Variants in PPHLN1 observed in about 807,000 individuals in gnomAD.
PPHLN1 encodes periphilin-1.
A neutral mutation model predicts 51.3 loss-of-function variants in PPHLN1; 29 were observed. The ratio of observed to expected loss-of-function variants is 0.57; its 90% CI spans 0.42 to 0.77. The LOEUF (loss-of-function observed/expected upper bound fraction) is 0.77. Among genes scored for constraint, PPHLN1 ranks in the 30% least tolerant of loss-of-function variants. PPHLN1 has a pLI of 0.00. For missense variants in PPHLN1, 436 were observed against 438.4 expected, an observed-to-expected ratio of 0.99 and a Z score of 0.05; for synonymous variants, 147 against 147.8, an observed-to-expected ratio of 0.99 and a Z score of 0.04.
At chr12:42,427,775 A>C (rs1300574434) in intron 9 of PPHLN1, among the ~76,000 whole-genome samples, 1 of 152,236 alleles carries the variant, frequency 6.6e-6, no homozygotes, top group Non-Finnish European at 1.5e-5. Context: ...TAATTAAACT[A>C]AAGAGCTTTT....
rs550303195 is a variant in PPHLN1 at position 42,344,548 on chromosome 12, ATACTTT to A, written c.73-7328_73-7323del. 1.8e-3 allele frequency among the ~76,000 whole-genome samples: 275 copies of A among 152,276 alleles called. 3 individuals carry two copies. Among genetic ancestry groups the A allele is most frequent in the African/African-American group, 5.9e-3 (246 of 41,558 alleles). Reference sequence around the variant, plus strand: ...AAAATGTTTGGGGGGGATGGGCTTAATACTTTTACTTTTATATTAATACTTTCATTT... The same window carrying A: ...AAAATGTTTGGGGGGGATGGGCTTAATACTTTTATATTAATACTTTCATTT... On this transcript the variant is annotated intron_variant, in intron 2 of 9. Coordinates refer to ENST00000358314, the MANE Select transcript of PPHLN1 (RefSeq NM_201439.2).
At chr12:42,425,923 A>G (rs2708057) in intron 9 of PPHLN1, among the ~76,000 whole-genome samples, 150,873 of 152,270 alleles carry the variant, frequency 0.99, 74,768 homozygotes, top group Middle Eastern at 1. Flanking sequence ...GAAACTAAGG[A>G]AGAACTTGCC....
chr12:42,348,167 G>A (rs1404478201), intron 2 of PPHLN1, among the ~76,000 whole-genome samples: 1 of 151,698 alleles, frequency 6.6e-6, no homozygotes, highest in African/African-American at 2.4e-5. Context: ...CTGGAGTGCA[G>A]TGGTGCGAGC....
At chr12:42,363,328 AT>A (rs886280459) in intron 4 of PPHLN1, among the ~76,000 whole-genome samples, 134 of 119,172 alleles carry the variant, frequency 1.1e-3, no homozygotes, top group African/African-American at 3.0e-3. Flanking sequence ...TAATTAATTA[AT>A]TTAAAAAAAA....
At chr12:42,426,228 A>ACACACACACACACACCC (rs371819974) in intron 9 of PPHLN1, among the ~76,000 whole-genome samples, 1 of 129,788 alleles carries the variant, frequency 7.7e-6, no homozygotes, top group African/African-American at 3.3e-5. Flanking sequence ...ACACACACAC[A>ACACACACACACACACCC]CCCTCATGCA....
intron 1 of PPHLN1, among the ~76,000 whole-genome samples, chr12:42,333,459 T>TTTTTTTA (rs1222238967): frequency 1.3e-5 from 2 of 151,766 alleles, no homozygotes; most frequent in East Asian, 1.9e-4. Flanking sequence ...TATACTTCCT[T>TTTTTTTA]TTTTTTATTT....
chr12:42,439,849 C>CTT (rs1250048161), intron 9 of PPHLN1, among the ~76,000 whole-genome samples: 1 of 152,088 alleles, frequency 6.6e-6, no homozygotes, highest in Non-Finnish European at 1.5e-5. Context: ...TAGTGTCAGT[C>CTT]TTTTGACTTT....
intron 4 of PPHLN1, among the ~76,000 whole-genome samples, chr12:42,356,510 T>G (rs1286135910): frequency 6.6e-6 from 1 of 152,210 alleles, no homozygotes; most frequent in Non-Finnish European, 1.5e-5. Flanking sequence ...TTTAATTGTC[T>G]CTGTAACCAG....
downstream of PPHLN1, chr12:42,446,756 A>AAACCTCCCGACCTTCCAATT: frequency 9.1e-7 from 1 of 1,102,098 alleles, no homozygotes; most frequent in Non-Finnish European, 1.2e-6. Context: ...CGCAATTGGA[A>AAACCTCCCGACCTTCCAATT]GGTCGGGAGG....
chr12:42,366,296 C>T (rs895670075), intron 4 of PPHLN1, among the ~76,000 whole-genome samples: 3 of 140,742 alleles, frequency 2.1e-5, no homozygotes, highest in East Asian at 4.3e-4. Context: ...GGTGCGATCT[C>T]GGCTCACGGC....
chr12:42,389,619 C>T (rs190167102), intron 7 of PPHLN1, among the ~76,000 whole-genome samples: 103 of 152,216 alleles, frequency 6.8e-4, no homozygotes, highest in African/African-American at 2.3e-3. Flanking sequence ...AAATAGCAAC[C>T]CGAGTTTCTA....
intron 9 of PPHLN1, among the ~76,000 whole-genome samples, chr12:42,433,573 T>C (rs1267049209): frequency 2.6e-5 from 4 of 152,212 alleles, no homozygotes; most frequent in Non-Finnish European, 5.9e-5. Context: ...TCCACCTGCC[T>C]CAGCCTCCCA....
chr12:42,351,763 G>A (rs988885156), intron 2 of PPHLN1, 122 bp from the exon 3 acceptor site: 45 of 649,842 alleles, frequency 6.9e-5, no homozygotes, highest in African/African-American at 2.1e-4. Context: ...TTTCATTAAC[G>A]CTTTTGTTTA....
intron 9 of PPHLN1, among the ~76,000 whole-genome samples, chr12:42,433,540 G>A (rs2082226150): frequency 6.6e-6 from 1 of 152,120 alleles, no homozygotes; most frequent in African/African-American, 2.4e-5. Context: ...AGCCAGGATG[G>A]TCTCGATCTC....
chr12:42,403,030 G>A (rs1462504680), intron 9 of PPHLN1, among the ~76,000 whole-genome samples: 5 of 152,160 alleles, frequency 3.3e-5, no homozygotes, highest in Admixed American at 3.3e-4. Flanking sequence ...TAGAGTTGTG[G>A]ACATGGAAAA....
intron 9 of PPHLN1, among the ~76,000 whole-genome samples, chr12:42,413,145 G>C (rs2080028110): frequency 6.6e-6 from 1 of 152,046 alleles, no homozygotes; most frequent in African/African-American, 2.4e-5. Flanking sequence ...TTTTGTTTCT[G>C]TTGCATTTGC....
chr12:42,376,562 A>C (rs1159626916), intron 5 of PPHLN1, among the ~76,000 whole-genome samples: 1 of 152,216 alleles, frequency 6.6e-6, no homozygotes, highest in Non-Finnish European at 1.5e-5. Context: ...CAAGGTGGAA[A>C]GATTACTCGA....
chr12:42,363,238 T>G (rs1473552103), intron 4 of PPHLN1, among the ~76,000 whole-genome samples: 1 of 152,146 alleles, frequency 6.6e-6, no homozygotes, highest in Non-Finnish European at 1.5e-5. Flanking sequence ...ATCACTGTGT[T>G]TGTTCACACC....
At chr12:42,373,387 TC>T (rs1468339370) in intron 4 of PPHLN1, among the ~76,000 whole-genome samples, 3 of 152,220 alleles carry the variant, frequency 2.0e-5, no homozygotes, top group African/African-American at 4.8e-5. Context: ...TTCTGCTTTT[TC>T]CCAGGGAAAC....
Sources: allele counts gnomAD v4.1 joint callset (sites outside exome capture counted in the v4.1 genomes callset), GRCh38; gene constraint gnomAD v4.1.1; transcripts MANE v1.5; gene names NCBI Gene and HGNC (gene_info 2026-07-23, HGNC 2026-07-21).